RSU1: variants seen among roughly 807,000 people sequenced by gnomAD.
The protein encoded by RSU1 is rsu-1.
In RSU1, 26 loss-of-function variants were observed where a neutral mutation model predicts 31.1. The observed-to-expected ratio is 0.84, with a 90% confidence interval of 0.61 to 1.16. The LOEUF (loss-of-function observed/expected upper bound fraction) is 1.16. RSU1 is among the 50% of genes most tolerant of loss of function. The pLI is 0.00. For missense variants in RSU1, 320 were observed against 339.1 expected, an observed-to-expected ratio of 0.94 and a Z score of 0.44; for synonymous variants, 164 against 136.3, an observed-to-expected ratio of 1.20 and a Z score of -1.41.
intron 2 of RSU1, among the ~76,000 whole-genome samples, chr10:16,785,451 C>CATATATACATATATATACACATATAT (rs1837763195): frequency 1.4e-5 from 2 of 138,588 alleles, no homozygotes; most frequent in Non-Finnish European, 3.0e-5. Flanking sequence ...CACATATATA[C>CATATATACATATATATACACATATAT]ATATATACAT....
chr10:16,812,453 AC>A (rs1434947943), intron 2 of RSU1, among the ~76,000 whole-genome samples: 4 of 152,178 alleles, frequency 2.6e-5, no homozygotes, highest in African/African-American at 7.2e-5. Flanking sequence ...AAAACAAAAA[AC>A]AAAAATTAAA....
chr10:16,622,016 A>G (rs1182132160), intron 8 of RSU1, among the ~76,000 whole-genome samples: 2 of 152,136 alleles, frequency 1.3e-5, no homozygotes, highest in South Asian at 2.1e-4. Flanking sequence ...GGGAATGGAT[A>G]CTCCATTCTC....
chr10:16,737,080 A>G (rs952420998), intron 7 of RSU1, among the ~76,000 whole-genome samples: 4 of 152,220 alleles, frequency 2.6e-5, no homozygotes, highest in East Asian at 1.9e-4. Flanking sequence ...AAAGTTTTGT[A>G]TAAGTGACCT....
intron 7 of RSU1, among the ~76,000 whole-genome samples, chr10:16,714,517 G>T (rs373389002): frequency 9.8e-5 from 15 of 152,310 alleles, no homozygotes; most frequent in African/African-American, 3.6e-4. Context: ...GGTGGGACAG[G>T]TGGCTATGGT....
At chr10:16,789,713 C>G (rs1357612883) in intron 2 of RSU1, among the ~76,000 whole-genome samples, 1 of 152,220 alleles carries the variant, frequency 6.6e-6, no homozygotes, top group Non-Finnish European at 1.5e-5. Context: ...CGTAATCACA[C>G]CTGGTAGATT....
chr10:16,784,406 T>C (rs1359349241), intron 2 of RSU1, among the ~76,000 whole-genome samples: 1 of 152,180 alleles, frequency 6.6e-6, no homozygotes. Context: ...CTGAGTAATT[T>C]ATAAGAAAAG....
intron 7 of RSU1, among the ~76,000 whole-genome samples, chr10:16,709,625 G>A (rs1284951388): frequency 2.0e-5 from 3 of 152,156 alleles, no homozygotes; most frequent in East Asian, 1.9e-4. Flanking sequence ...GTATAAAAGT[G>A]TTCCTATTTT....
chr10:16,682,163 A>C (rs969924028), intron 8 of RSU1, among the ~76,000 whole-genome samples: 11 of 152,308 alleles, frequency 7.2e-5, no homozygotes, highest in African/African-American at 2.4e-4. Context: ...CCAGAGTCCC[A>C]AGATGGGACA....
chr10:16,803,751 G>A (rs1277452420), intron 2 of RSU1, among the ~76,000 whole-genome samples: 2 of 152,072 alleles, frequency 1.3e-5, no homozygotes, highest in Admixed American at 1.3e-4. Context: ...TTCAACAAAC[G>A]GTGCTGAAAC....
intron 7 of RSU1, among the ~76,000 whole-genome samples, chr10:16,699,844 A>G (rs1177832616): frequency 6.6e-6 from 1 of 152,250 alleles, no homozygotes; most frequent in Non-Finnish European, 1.5e-5. Flanking sequence ...TGAAGATCGT[A>G]TATCACTCAG....
At chr10:16,602,826 G>A (rs1327902721) in intron 8 of RSU1, among the ~76,000 whole-genome samples, 1 of 152,152 alleles carries the variant, frequency 6.6e-6, no homozygotes, top group East Asian at 1.9e-4. Flanking sequence ...TCTTCCGGTA[G>A]GATGCTAAAT....
intron 8 of RSU1, among the ~76,000 whole-genome samples, chr10:16,665,818 T>C (rs1834978610): frequency 6.6e-6 from 1 of 152,166 alleles, no homozygotes; most frequent in South Asian, 2.1e-4. Flanking sequence ...AAATTTCTAT[T>C]ACAGTGCTAT....
chr10:16,596,445 A>T (rs1290028429), intron 8 of RSU1, among the ~76,000 whole-genome samples: 1 of 152,098 alleles, frequency 6.6e-6, no homozygotes, highest in East Asian at 1.9e-4. Context: ...TCAGATGTTG[A>T]TCTACTCAGG....
intron 7 of RSU1, among the ~76,000 whole-genome samples, chr10:16,728,363 A>G (rs1178048414): frequency 1.3e-5 from 2 of 152,228 alleles, no homozygotes; most frequent in Non-Finnish European, 2.9e-5. Context: ...AATATGAAGA[A>G]TAAAAATCAG....
intron 5 of RSU1, 99 bp from the exon 6 acceptor site, chr10:16,753,099 C>G: frequency 1.1e-6 from 1 of 888,706 alleles, no homozygotes; most frequent in Non-Finnish European, 1.8e-6. Flanking sequence ...ATAACCCTGG[C>G]TTGGTGAAAA....
chr10:16,676,813 T>G (rs1409971146), intron 8 of RSU1, among the ~76,000 whole-genome samples: 1 of 152,148 alleles, frequency 6.6e-6, no homozygotes, highest in Non-Finnish European at 1.5e-5. Flanking sequence ...TTATACAGGT[T>G]GAGTATCCCT....
chr10:16,601,052 C>T (rs1037142252), intron 8 of RSU1, among the ~76,000 whole-genome samples: 1 of 152,082 alleles, frequency 6.6e-6, no homozygotes, highest in Admixed American at 6.5e-5. Flanking sequence ...CTCTGGACAC[C>T]TCTTTGGTCC....
chr10:16,785,861 A>G (rs568323993), intron 2 of RSU1, among the ~76,000 whole-genome samples: 1 of 152,260 alleles, frequency 6.6e-6, no homozygotes, highest in African/African-American at 2.4e-5. Flanking sequence ...TGTAATTAGT[A>G]AATTTGGGAA....
At chr10:16,660,131 G>A (rs755785749) in intron 8 of RSU1, among the ~76,000 whole-genome samples, 10 of 152,206 alleles carry the variant, frequency 6.6e-5, no homozygotes, top group Non-Finnish European at 7.3e-5. Context: ...TGTCTACTAC[G>A]ATAAATAATA....
Sources: allele counts gnomAD v4.1 joint callset (sites outside exome capture counted in the v4.1 genomes callset), GRCh38; gene constraint gnomAD v4.1.1; transcripts MANE v1.5; gene names NCBI Gene and HGNC (gene_info 2026-07-23, HGNC 2026-07-21).